The following LTBP1 variants were observed in gnomAD, a reference collection of about 807,000 sequenced individuals.
LTBP1 encodes the protein latent-transforming growth factor beta-binding protein 1.
A neutral mutation model predicts 207.6 loss-of-function variants in LTBP1; 129 were observed. That is an observed-to-expected ratio of 0.62 (90% confidence interval 0.54 to 0.72). The LOEUF is 0.72. Ranked by LOEUF, LTBP1 falls within the 30% of genes least tolerant of loss-of-function variation. The pLI, the probability that LTBP1 is intolerant of heterozygous loss-of-function variation, is 0.00. For synonymous variants in LTBP1, 963 were observed against 833.7 expected (o/e 1.16, Z -2.67); for missense variants, 2,281 against 2,217.2 (o/e 1.03, Z -0.58).
chr2:33,266,545 G>C (rs1338160764), intron 15 of LTBP1, among the ~76,000 whole-genome samples: 1 of 152,160 alleles, frequency 6.6e-6, no homozygotes, highest in Non-Finnish European at 1.5e-5. Flanking sequence ...TGGCCAATCA[G>C]ATGGTGTTTT....
intron 22 of LTBP1, among the ~76,000 whole-genome samples, chr2:33,304,022 T>C (rs1018181138): frequency 1.1e-4 from 17 of 152,250 alleles, no homozygotes; most frequent in Admixed American, 9.2e-4. Context: ...TCTCTTTTAA[T>C]GTGTAAGCAT....
At chr2:32,962,704 C>A (rs1679320557) in intron 2 of LTBP1, among the ~76,000 whole-genome samples, 1 of 152,206 alleles carries the variant, frequency 6.6e-6, no homozygotes, top group African/African-American at 2.4e-5. Context: ...TTTTCTCTGG[C>A]AAAATTTCCC....
At chr2:33,335,334 G>GTT (rs113056752) in intron 24 of LTBP1, among the ~76,000 whole-genome samples, 2 of 151,946 alleles carry the variant, frequency 1.3e-5, no homozygotes, top group African/African-American at 4.8e-5. Flanking sequence ...AGGTCCCCGT[G>GTT]TTTTTTTCCT....
chr2:33,020,872 G>A (rs1350997718), intron 2 of LTBP1, 37 bp from the exon 3 acceptor site: 1 of 1,526,284 alleles, frequency 6.6e-7, no homozygotes, highest in Admixed American at 2.0e-5. Context: ...CTACAATGTT[G>A]TTCTTCAAAG....
intron 9 of LTBP1, among the ~76,000 whole-genome samples, chr2:33,224,708 A>C (rs900938315): frequency 2.0e-5 from 3 of 152,186 alleles, no homozygotes; most frequent in African/African-American, 7.2e-5. Flanking sequence ...CAAATGTATT[A>C]ATATGAAATG....
At chr2:33,356,414 TCA>T (rs1441239782) in intron 26 of LTBP1, among the ~76,000 whole-genome samples, 1 of 152,190 alleles carries the variant, frequency 6.6e-6, no homozygotes, top group Non-Finnish European at 1.5e-5. Context: ...GCGAGGTGAC[TCA>T]CGCCTGTAAT....
chr2:33,149,228 CAAAAAA>C (rs58303103), intron 5 of LTBP1, among the ~76,000 whole-genome samples: 46 of 82,812 alleles, frequency 5.6e-4, no homozygotes, highest in African/African-American at 8.0e-4. Flanking sequence ...CACAAAAAAA[CAAAAAA>C]AAAAAAAAAA....
chr2:33,181,729 C>T (rs1361871531), intron 5 of LTBP1, among the ~76,000 whole-genome samples: 7 of 152,196 alleles, frequency 4.6e-5, no homozygotes, highest in Admixed American at 4.6e-4. Flanking sequence ...ATATATGCCC[C>T]ATGGCTAGCC....
intron 2 of LTBP1, among the ~76,000 whole-genome samples, chr2:32,974,513 T>G (rs1681412377): frequency 6.6e-6 from 1 of 152,192 alleles, no homozygotes; most frequent in African/African-American, 2.4e-5. Flanking sequence ...AGCTTGCAAA[T>G]ATTTTCTCCC....
chr2:33,335,986 C>T (rs1429514716), intron 24 of LTBP1, among the ~76,000 whole-genome samples: 1 of 152,272 alleles, frequency 6.6e-6, no homozygotes, highest in Middle Eastern at 3.4e-3. Context: ...GTCCTGGGAC[C>T]TCCTGAGACT....
intron 3 of LTBP1, among the ~76,000 whole-genome samples, chr2:33,057,321 G>T (rs191623815): frequency 1.3e-5 from 2 of 152,296 alleles, no homozygotes; most frequent in Non-Finnish European, 2.9e-5. Flanking sequence ...AGACATAAAG[G>T]TTCTCCAAGT....
intron 5 of LTBP1, among the ~76,000 whole-genome samples, chr2:33,171,880 AC>A (rs1487612259): frequency 6.6e-6 from 1 of 152,220 alleles, no homozygotes; most frequent in Non-Finnish European, 1.5e-5. Context: ...AGAATTTTCA[AC>A]CCAGAATTTC....
chr2:33,149,363 C>A (rs1490723067), intron 5 of LTBP1, among the ~76,000 whole-genome samples: 1 of 151,678 alleles, frequency 6.6e-6, no homozygotes, highest in Non-Finnish European at 1.5e-5. Flanking sequence ...GCCATTCTTT[C>A]CTATCAGACA....
intron 2 of LTBP1, among the ~76,000 whole-genome samples, chr2:32,970,894 A>G (rs1680752349): frequency 6.8e-6 from 1 of 147,794 alleles, no homozygotes; most frequent in South Asian, 2.1e-4. Context: ...ATGAGCATGG[A>G]TTTTTTTTTT....
At chr2:33,290,678 T>C (rs1269802165) in intron 19 of LTBP1, among the ~76,000 whole-genome samples, 2 of 152,132 alleles carry the variant, frequency 1.3e-5, no homozygotes, top group Non-Finnish European at 2.9e-5. Context: ...AATAACAATG[T>C]GAGGAAAGAG....
intron 11 of LTBP1, among the ~76,000 whole-genome samples, chr2:33,255,197 G>A (rs1019082552): frequency 2.8e-4 from 42 of 149,150 alleles, no homozygotes; most frequent in African/African-American, 9.2e-4. Context: ...TTGTTCTTGC[G>A]ATAGTTTACT....
chr2:33,007,524 A>G (rs1687095531), intron 2 of LTBP1, among the ~76,000 whole-genome samples: 1 of 152,226 alleles, frequency 6.6e-6, no homozygotes, highest in Admixed American at 6.5e-5. Flanking sequence ...ATTTTAGCTT[A>G]ATGCTGCTGG....
chr2:33,020,761 C>G, intron 2 of LTBP1, 148 bp from the exon 3 acceptor site: 1 of 701,752 alleles, frequency 1.4e-6, no homozygotes, highest in Non-Finnish European at 2.3e-6. Flanking sequence ...CCCTCCTCCG[C>G]CCAACTGCCC....
At chr2:33,015,464 T>G (rs945344300) in intron 2 of LTBP1, among the ~76,000 whole-genome samples, 1 of 152,222 alleles carries the variant, frequency 6.6e-6, no homozygotes, top group African/African-American at 2.4e-5. Context: ...CAACCAAGTT[T>G]AGGCTCCTAT....
Sources: gnomAD v4.1 joint callset for allele counts (sites outside exome capture counted in the v4.1 genomes callset) on GRCh38, gnomAD v4.1.1 for gene constraint, MANE v1.5 for transcripts, NCBI Gene and HGNC (gene_info 2026-07-23, HGNC 2026-07-21) for gene names.